Variants in CNTN5 observed in about 807,000 individuals in gnomAD.
The protein encoded by CNTN5 is contactin 5.
In CNTN5, 77 loss-of-function variants were observed where a neutral mutation model predicts 129.1. The ratio of observed to expected loss-of-function variants is 0.60; its 90% CI spans 0.50 to 0.72. The LOEUF (loss-of-function observed/expected upper bound fraction) is 0.72. Among genes scored for constraint, CNTN5 ranks in the 30% least tolerant of loss-of-function variants. CNTN5 has a pLI of 0.00. For synonymous variants in CNTN5, 509 were observed against 465.6 expected (o/e 1.09, Z -1.20); for missense variants, 1,478 against 1,328.8 (o/e 1.11, Z -1.75).
At chr11:99,899,436 G>A (rs946356362) in intron 6 of CNTN5, among the ~76,000 whole-genome samples, 2 of 151,992 alleles carry the variant, frequency 1.3e-5, no homozygotes, top group African/African-American at 2.4e-5. Context: ...ATTATGAAGA[G>A]ATGTTGGATT....
chr11:99,239,890 T>C (rs1443385582), intron 1 of CNTN5, among the ~76,000 whole-genome samples: 1 of 143,234 alleles, frequency 7.0e-6, no homozygotes, highest in East Asian at 2.1e-4. Flanking sequence ...TGAGCCGAGA[T>C]AGCGCCACTG....
chr11:99,820,296 G>T (rs889606859), intron 4 of CNTN5, among the ~76,000 whole-genome samples: 1 of 152,418 alleles, frequency 6.6e-6, no homozygotes, highest in Non-Finnish European at 1.5e-5. Context: ...ATTTGACAGT[G>T]AATATCGGAA....
At chr11:100,082,554 A>T (rs1944405100) in intron 13 of CNTN5, among the ~76,000 whole-genome samples, 1 of 152,156 alleles carries the variant, frequency 6.6e-6, no homozygotes, top group South Asian at 2.1e-4. Context: ...GACCTCCCAA[A>T]TTGCTAAGAT....
At chr11:100,268,446 T>C (rs527487046) in intron 17 of CNTN5, among the ~76,000 whole-genome samples, 3 of 152,076 alleles carry the variant, frequency 2.0e-5, no homozygotes, top group Admixed American at 6.6e-5. Flanking sequence ...AAAGCAATCA[T>C]TGAGGTAAAA....
At chr11:100,150,209 TATG>T (rs1229961237) in intron 13 of CNTN5, among the ~76,000 whole-genome samples, 3 of 152,142 alleles carry the variant, frequency 2.0e-5, no homozygotes, top group African/African-American at 7.2e-5. Flanking sequence ...TTAAATATAT[TATG>T]ATCTGCAGAA....
intron 2 of CNTN5, among the ~76,000 whole-genome samples, chr11:99,488,276 G>A (rs751000115): frequency 1.3e-5 from 2 of 150,358 alleles, no homozygotes; most frequent in Non-Finnish European, 3.0e-5. Context: ...GGGTTCAAGC[G>A]ATTTTCCTGC....
intron 1 of CNTN5, among the ~76,000 whole-genome samples, chr11:99,047,407 G>A (rs1206243249): frequency 2.0e-5 from 3 of 149,810 alleles, no homozygotes; most frequent in Non-Finnish European, 3.0e-5. Context: ...CCAAAAAAGT[G>A]TATGTGTATG....
intron 7 of CNTN5, among the ~76,000 whole-genome samples, chr11:99,919,843 A>G (rs2136028530): frequency 8.1e-6 from 1 of 124,194 alleles, no homozygotes; most frequent in Admixed American, 7.7e-5. Flanking sequence ...TTTATTTAAG[A>G]CATGTTTTTG....
intron 3 of CNTN5, among the ~76,000 whole-genome samples, chr11:99,731,831 A>C (rs1943544973): frequency 6.6e-6 from 1 of 152,160 alleles, no homozygotes; most frequent in Non-Finnish European, 1.5e-5. Flanking sequence ...TTGGCACCAC[A>C]TCACTTCTCC....
intron 1 of CNTN5, among the ~76,000 whole-genome samples, chr11:99,263,939 CT>C (rs1239137384): frequency 2.6e-5 from 4 of 152,068 alleles, no homozygotes; most frequent in Non-Finnish European, 4.4e-5. Context: ...GGTTAATAGT[CT>C]CTTAACTCAG....
chr11:99,325,176 T>C (rs1865730601), intron 1 of CNTN5, among the ~76,000 whole-genome samples, 170 bp from the exon 2 acceptor site: 1 of 152,068 alleles, frequency 6.6e-6, no homozygotes, highest in South Asian at 2.1e-4. Context: ...TACATAAATA[T>C]ACCTAATTAG....
chr11:99,294,233 C>G (rs1044856114), intron 1 of CNTN5, among the ~76,000 whole-genome samples: 1 of 151,932 alleles, frequency 6.6e-6, no homozygotes, highest in Non-Finnish European at 1.5e-5. Context: ...CTTGTTTGTG[C>G]CCTTGTTTGC....
At chr11:100,052,856 A>G (rs1436519516) in intron 9 of CNTN5, among the ~76,000 whole-genome samples, 1 of 151,830 alleles carries the variant, frequency 6.6e-6, no homozygotes, top group East Asian at 1.9e-4. Flanking sequence ...AGACATTGGC[A>G]TAAAGATAGG....
chr11:99,385,779 C>T (rs1008580000), intron 2 of CNTN5, among the ~76,000 whole-genome samples: 4 of 152,130 alleles, frequency 2.6e-5, no homozygotes, highest in African/African-American at 9.6e-5. Flanking sequence ...GTCAGAGATC[C>T]CATTTTCCCA....
intron 3 of CNTN5, among the ~76,000 whole-genome samples, chr11:99,818,997 T>A (rs575954631): frequency 2.0e-5 from 3 of 152,020 alleles, no homozygotes; most frequent in Non-Finnish European, 2.9e-5. Context: ...ATGTGCTACA[T>A]TGAACACACC....
At chr11:99,483,063 C>G (rs774749771) in intron 2 of CNTN5, among the ~76,000 whole-genome samples, 13 of 150,048 alleles carry the variant, frequency 8.7e-5, no homozygotes, top group Middle Eastern at 6.9e-3. Flanking sequence ...GTAGTCCCAG[C>G]TACTGGGGAG....
At chr11:100,316,715 G>A (rs561190607) in intron 21 of CNTN5, among the ~76,000 whole-genome samples, 40 of 152,272 alleles carry the variant, frequency 2.6e-4, no homozygotes, top group African/African-American at 8.7e-4. Context: ...GTGGAACAAA[G>A]TCTTCCATGA....
chr11:99,991,471 C>T (rs1048634532), intron 8 of CNTN5, among the ~76,000 whole-genome samples: 9 of 103,144 alleles, frequency 8.7e-5, no homozygotes, highest in Non-Finnish European at 1.7e-4. Context: ...TGTCTCAAAA[C>T]AAACAAACAA....
intron 13 of CNTN5, among the ~76,000 whole-genome samples, chr11:100,141,860 G>T (rs1946705435): frequency 6.6e-6 from 1 of 152,100 alleles, no homozygotes; most frequent in Non-Finnish European, 1.5e-5. Context: ...AGCCAGTAAA[G>T]CATTATGTCT....
Sources: allele counts gnomAD v4.1 joint callset (sites outside exome capture counted in the v4.1 genomes callset), GRCh38; gene constraint gnomAD v4.1.1; transcripts MANE v1.5; gene names NCBI Gene and HGNC (gene_info 2026-07-23, HGNC 2026-07-21).